Variants in ALK observed in about 807,000 individuals in gnomAD.
ALK encodes the protein ALK receptor tyrosine kinase, also known as ALK tyrosine kinase receptor.
Under a neutral mutation model 163.1 loss-of-function variants are expected in ALK, and 74 were observed. The ratio of observed to expected loss-of-function variants is 0.45; its 90% CI spans 0.38 to 0.55. ALK has a LOEUF of 0.55. Among genes scored for constraint, ALK ranks in the 20% least tolerant of loss-of-function variants. ALK has a pLI of 0.00. For missense variants in ALK, 2,063 were observed against 2,105.3 expected (o/e 0.98, Z 0.39); for synonymous variants, 960 against 843.2 (o/e 1.14, Z -2.40).
At position 29,193,169 on chromosome 2, in the gene ALK, C is replaced by G. The variant is rs1668914339; in HGVS notation, c.*55G>C. 3 of 1,574,862 alleles carry G rather than the reference C, an allele frequency of 1.9e-6. No homozygotes were observed. Among genetic ancestry groups the G allele is most frequent in the Non-Finnish European group, 2.6e-6 (3 of 1,148,208 alleles). On this transcript the variant is annotated 3_prime_UTR_variant, in exon 29 of 29. Transcript: ENST00000389048. Reference sequence around the variant, plus strand: ...GGTTTGTGAAGGAGCCATTGCCTCTCTCTCCTCCACGGTCTTAGGGATCCC... The same window carrying G: ...GGTTTGTGAAGGAGCCATTGCCTCTGTCTCCTCCACGGTCTTAGGGATCCC...
chr2:29,800,062 G>A (rs554023124), intron 1 of ALK, among the ~76,000 whole-genome samples: 7 of 152,210 alleles, frequency 4.6e-5, no homozygotes, highest in South Asian at 2.1e-4. Context: ...AGTGTGGTGC[G>A]TGCCGTGCTC....
intron 8 of ALK, among the ~76,000 whole-genome samples, chr2:29,307,349 C>G (rs903586606): frequency 1.3e-5 from 2 of 152,232 alleles, no homozygotes; most frequent in East Asian, 1.9e-4. Context: ...ATAGTAGAGA[C>G]AAAACCAAGG....
intron 3 of ALK, among the ~76,000 whole-genome samples, chr2:29,643,275 G>A (rs937283343): frequency 6.6e-6 from 1 of 152,170 alleles, no homozygotes; most frequent in Non-Finnish European, 1.5e-5. Flanking sequence ...CACCAGGAAA[G>A]GGAATGGCAT....
intron 4 of ALK, among the ~76,000 whole-genome samples, chr2:29,454,689 C>T (rs1007779399): frequency 5.4e-5 from 7 of 130,062 alleles, no homozygotes; most frequent in African/African-American, 2.1e-4. Flanking sequence ...TAGGCACAAA[C>T]CAAAACAAAA....
At chr2:29,196,382 A>T (rs896973298) in intron 28 of ALK, among the ~76,000 whole-genome samples, 1 of 152,216 alleles carries the variant, frequency 6.6e-6, no homozygotes, top group Non-Finnish European at 1.5e-5. Context: ...TATGCAATTA[A>T]TTACTTCACA....
At chr2:29,584,249 G>A (rs1352177176) in intron 3 of ALK, among the ~76,000 whole-genome samples, 2 of 152,170 alleles carry the variant, frequency 1.3e-5, no homozygotes, top group Non-Finnish European at 2.9e-5. Context: ...TCCATGATAG[G>A]AACCCTCCTC....
chr2:29,824,761 G>C (rs7579142), intron 1 of ALK, among the ~76,000 whole-genome samples: 60,807 of 151,894 alleles, frequency 0.4, 13,826 homozygotes, highest in East Asian at 0.64. Context: ...CTCGTAGGCA[G>C]AAGGGACTTG....
At chr2:29,764,622 C>A (rs1022902043) in intron 1 of ALK, among the ~76,000 whole-genome samples, 3 of 152,174 alleles carry the variant, frequency 2.0e-5, no homozygotes, top group African/African-American at 7.2e-5. Context: ...TGTTCTGTCA[C>A]TGGCTTAATA....
At chr2:29,593,173 G>T (rs1160652427) in intron 3 of ALK, among the ~76,000 whole-genome samples, 1 of 152,192 alleles carries the variant, frequency 6.6e-6, no homozygotes. Context: ...TGGCATGTGG[G>T]GTGAGAGCTT....
intron 1 of ALK, among the ~76,000 whole-genome samples, chr2:29,742,414 C>A (rs1036849989): frequency 6.6e-6 from 1 of 152,188 alleles, no homozygotes; most frequent in African/African-American, 2.4e-5. Context: ...AAGAGATGGG[C>A]GGCCTTGCCT....
intron 5 of ALK, among the ~76,000 whole-genome samples, chr2:29,363,102 C>A (rs1668421941): frequency 6.6e-6 from 1 of 152,214 alleles, no homozygotes; most frequent in African/African-American, 2.4e-5. Flanking sequence ...CTCTTCCTCT[C>A]TCCAGGAGTC....
intron 3 of ALK, among the ~76,000 whole-genome samples, chr2:29,636,530 G>A (rs1446886594): frequency 2.0e-5 from 3 of 151,956 alleles, no homozygotes; most frequent in Admixed American, 2.0e-4. Context: ...GAGGAAGTAG[G>A]GCAACAGAAA....
chr2:29,816,561 C>T (rs959371174), intron 1 of ALK, among the ~76,000 whole-genome samples: 1 of 152,132 alleles, frequency 6.6e-6, no homozygotes, highest in Non-Finnish European at 1.5e-5. Context: ...AATAAAAAAG[C>T]CTTCCCAAGA....
chr2:29,677,495 A>C (rs939508578), intron 3 of ALK, among the ~76,000 whole-genome samples: 1 of 152,024 alleles, frequency 6.6e-6, no homozygotes, highest in African/African-American at 2.4e-5. Flanking sequence ...TCATGAGTGG[A>C]TGTTGGATTC....
intron 1 of ALK, among the ~76,000 whole-genome samples, chr2:29,777,985 A>G (rs1303634297): frequency 1.3e-5 from 2 of 152,230 alleles, no homozygotes; most frequent in Non-Finnish European, 2.9e-5. Context: ...AGTGATGCTC[A>G]GATGCAAAAG....
chr2:29,460,729 C>T (rs970930430), intron 4 of ALK, among the ~76,000 whole-genome samples: 6 of 152,146 alleles, frequency 3.9e-5, no homozygotes, highest in Non-Finnish European at 7.4e-5. Flanking sequence ...TATCTTCAGG[C>T]CTTTCTATTC....
intron 1 of ALK, among the ~76,000 whole-genome samples, chr2:29,872,003 G>T (rs1666589822): frequency 6.6e-6 from 1 of 152,146 alleles, no homozygotes; most frequent in Non-Finnish European, 1.5e-5. Context: ...GCCCTAGACT[G>T]GGTATCAGTA....
chr2:29,532,039 G>T lies in ALK; in HGVS notation c.1030C>A (p.His344Asn), dbSNP rs1286011012. Residue 344 changes from histidine (H) to asparagine (N), a missense_variant, in exon 4 of 29, where the codon CAC (histidine) becomes AAC (asparagine). Physicochemically the swap from His to Asn is moderately conservative, Grantham distance 68. Transcript: ENST00000389048. The part of the protein sequence containing the change: ...LSPWMRSSSE[H>N]CTLAVSVHRH... ...TGCACCGAGACGGCCAGTGTGCAGT[G>T]CTCACTGCTGCTCCTCATCCACGGA... The T allele has an allele frequency of 1.2e-6, 2 of 1,614,140 alleles. No individual in the cohort carries two copies. Among genetic ancestry groups the T allele is most frequent in the Non-Finnish European group, 1.7e-6 (2 of 1,180,012 alleles).
intron 9 of ALK, among the ~76,000 whole-genome samples, chr2:29,286,010 C>T (rs752370668): frequency 2.6e-5 from 4 of 152,212 alleles, no homozygotes; most frequent in Non-Finnish European, 5.9e-5. Context: ...TCTGCATCTC[C>T]AAGCCTCTGC....
Sources: allele counts gnomAD v4.1 joint callset (sites outside exome capture counted in the v4.1 genomes callset), GRCh38; gene constraint gnomAD v4.1.1; transcripts MANE v1.5; gene names NCBI Gene and HGNC (gene_info 2026-07-23, HGNC 2026-07-21).